Variants in PRELID2 observed in about 807,000 individuals in gnomAD.
PRELID2 encodes PRELI domain containing 2.
In PRELID2, 25 loss-of-function variants were observed where a neutral mutation model predicts 28.4. That is an observed-to-expected ratio of 0.88 (90% CI 0.64 to 1.23). The LOEUF is 1.23. Ranked by LOEUF, PRELID2 falls within the 50% of genes most tolerant of loss-of-function variation. The pLI is 0.00. For missense variants in PRELID2, 201 were observed against 214.4 expected, an observed-to-expected ratio of 0.94 and a Z score of 0.39; for synonymous variants, 76 against 71.6, an observed-to-expected ratio of 1.06 and a Z score of -0.31.
At chr5:145,461,579 G>A in the PRELID2 span, among the ~76,000 whole-genome samples, 2 of 152,214 alleles carry the variant, frequency 1.3e-5, no homozygotes, top group African/African-American at 4.8e-5. Context: ...TGGGGTTATA[G>A]GCGTGAGCCA....
chr5:145,445,588 A>G, the PRELID2 span, among the ~76,000 whole-genome samples: 1 of 152,104 alleles, frequency 6.6e-6, no homozygotes, highest in Admixed American at 6.6e-5. Flanking sequence ...TGAAAATACA[A>G]TATCAAAAAG....
At chr5:145,444,451 T>C in the PRELID2 span, among the ~76,000 whole-genome samples, 1 of 152,028 alleles carries the variant, frequency 6.6e-6, no homozygotes, top group East Asian at 1.9e-4. Context: ...ATAAGTGGGC[T>C]CTTTTTTTGG....
chr5:145,713,756 T>G (rs1286136691), intron 1 of PRELID2, among the ~76,000 whole-genome samples: 3 of 141,140 alleles, frequency 2.1e-5, no homozygotes, highest in African/African-American at 5.4e-5. Flanking sequence ...CTGGCACATA[T>G]ATATATGCCA....
intron 5 of PRELID2, 23 bp from the exon 6 acceptor site, chr5:145,765,023 T>C (rs956898422): frequency 1.3e-6 from 2 of 1,516,832 alleles, no homozygotes; most frequent in Non-Finnish European, 1.8e-6. Flanking sequence ...GGAAAAAAAA[T>C]TAAAATGCCC....
chr5:145,453,413 T>C, the PRELID2 span, among the ~76,000 whole-genome samples: 3 of 152,172 alleles, frequency 2.0e-5, no homozygotes, highest in Non-Finnish European at 4.4e-5. Flanking sequence ...TTCACTCTAC[T>C]CTCCTGCTTA....
chr5:145,496,306 A>G (rs981699562), intron 1 of PRELID2, among the ~76,000 whole-genome samples: 6 of 152,220 alleles, frequency 3.9e-5, no homozygotes, highest in Non-Finnish European at 7.3e-5. Context: ...ACTGATGAGC[A>G]GAAGTGGCTA....
chr5:145,453,319 A>C, the PRELID2 span, among the ~76,000 whole-genome samples: 1 of 152,176 alleles, frequency 6.6e-6, no homozygotes, highest in Non-Finnish European at 1.5e-5. Context: ...TGATTAAATG[A>C]GACTATTGAT....
intron 1 of PRELID2, among the ~76,000 whole-genome samples, chr5:145,622,684 C>A (rs916981649): frequency 1.7e-4 from 26 of 151,966 alleles, no homozygotes; most frequent in African/African-American, 5.8e-4. Flanking sequence ...TTTGAACTTT[C>A]TTTAGTTAAA....
chr5:145,261,392 C>T, the PRELID2 span, among the ~76,000 whole-genome samples: 2 of 152,170 alleles, frequency 1.3e-5, no homozygotes, highest in Admixed American at 6.5e-5. Flanking sequence ...CAGTGCACAA[C>T]AAAAGTACAA....
Position 145,586,160 on chromosome 5 carries a change from T to C in PRELID2, n.71-112845A>G, listed in dbSNP as rs553180284. On this transcript the variant is annotated intron_variant and non_coding_transcript_variant, in intron 1 of 2. Transcript: ENST00000510259. ...GACAGAAGGGCAGACAGAAGCCAAA[T>C]TGACAGTGCTCACCCTGTGTCCTCC... Among the ~76,000 whole-genome samples, 7 of 152,150 alleles carry C rather than the reference T, an allele frequency of 4.6e-5. No individual in the cohort carries two copies. The South Asian group carries it at 6.2e-4, about 14-fold the overall frequency.
At chr5:145,644,302 A>C (rs1330076863) in intron 1 of PRELID2, among the ~76,000 whole-genome samples, 1 of 152,038 alleles carries the variant, frequency 6.6e-6, no homozygotes, top group Non-Finnish European at 1.5e-5. Flanking sequence ...ATTGGCGTAG[A>C]GGTATTTATA....
chr5:145,387,312 A>T, the PRELID2 span, among the ~76,000 whole-genome samples: 1 of 152,050 alleles, frequency 6.6e-6, no homozygotes, highest in African/African-American at 2.4e-5. Flanking sequence ...AGGAGCAAAA[A>T]TGTGGTTTTC....
chr5:145,572,975 G>T (rs1490647257), intron 1 of PRELID2, among the ~76,000 whole-genome samples: 1 of 152,116 alleles, frequency 6.6e-6, no homozygotes, highest in Non-Finnish European at 1.5e-5. Flanking sequence ...CTCCTGGATA[G>T]TCCAACCCAT....
At chr5:145,300,703 T>TC in the PRELID2 span, among the ~76,000 whole-genome samples, 1 of 148,104 alleles carries the variant, frequency 6.8e-6, no homozygotes, top group Non-Finnish European at 1.5e-5. Context: ...TTATTTACTT[T>TC]TTTTTTTTTT....
At chr5:145,549,616 A>C (rs1213479425) in intron 1 of PRELID2, among the ~76,000 whole-genome samples, 2 of 148,944 alleles carry the variant, frequency 1.3e-5, no homozygotes, top group African/African-American at 5.2e-5. Flanking sequence ...AACAAAGTGA[A>C]ACCCCATCTC....
At chr5:145,299,552 G>C in the PRELID2 span, among the ~76,000 whole-genome samples, 1 of 151,792 alleles carries the variant, frequency 6.6e-6, no homozygotes, top group East Asian at 1.9e-4. Flanking sequence ...CACTGTGTAT[G>C]TCCTGACACC....
chr5:145,501,507 C>A (rs533004719), intron 1 of PRELID2, among the ~76,000 whole-genome samples: 1 of 152,046 alleles, frequency 6.6e-6, no homozygotes, highest in Non-Finnish European at 1.5e-5. Context: ...GGCAGTTTCC[C>A]CCATACTGTT....
chr5:145,706,418 CAGTTGATCAATGGAT>C (rs1755549206), intron 1 of PRELID2, among the ~76,000 whole-genome samples: 1 of 152,026 alleles, frequency 6.6e-6, no homozygotes, highest in Non-Finnish European at 1.5e-5. Context: ...TTTTAGGACC[CAGTTGATCAATGGAT>C]AGTTGGTTTT....
At chr5:145,280,428 G>A in the PRELID2 span, among the ~76,000 whole-genome samples, 29 of 152,032 alleles carry the variant, frequency 1.9e-4, no homozygotes, top group African/African-American at 2.7e-4. Flanking sequence ...GATGTATGGC[G>A]TGCATTAACT....
Sources: gnomAD v4.1 joint callset for allele counts (sites outside exome capture counted in the v4.1 genomes callset) on GRCh38, gnomAD v4.1.1 for gene constraint, MANE v1.5 for transcripts, NCBI Gene and HGNC (gene_info 2026-07-23, HGNC 2026-07-21) for gene names.